MAMDC2: variants seen among roughly 807,000 people sequenced by gnomAD.
The protein encoded by MAMDC2 is MAM domain containing 2.
A neutral mutation model predicts 89.8 loss-of-function variants in MAMDC2; 57 were observed. That is an observed-to-expected ratio of 0.63 (90% CI 0.51 to 0.79). MAMDC2 has a LOEUF of 0.79. MAMDC2 is among the 30% of genes least tolerant of loss of function. MAMDC2 has a pLI of 0.00. For missense variants in MAMDC2, 800 were observed against 820.6 expected, an observed-to-expected ratio of 0.97 and a Z score of 0.31; for synonymous variants, 313 against 293.4, an observed-to-expected ratio of 1.07 and a Z score of -0.68.
Position 70,043,980 on chromosome 9 carries a change from G to T in MAMDC2, c.-218G>T. 1 of 608,846 alleles carries T rather than the reference G, an allele frequency of 1.6e-6. No individual in the cohort carries two copies. The highest frequency in any genetic ancestry group is 2.9e-6 in the Non-Finnish European group (1 of 344,622). The allele number at this position is 608,846 out of a possible 1,614,324, so 37.7% of individuals were successfully genotyped here. A position where few individuals can be genotyped will look rare whatever the true frequency, so the allele number is the denominator to read the frequency against. On this transcript the variant is annotated 5_prime_UTR_variant, in exon 1 of 14. Transcript: ENST00000377182. ...TGAGGCTGCTGCTCAGCGCCGGGGC[G>T]CTGGCGCTCTCCATTCGAGCACCTT...
chr9:70,053,926 A>C (rs1041347448), intron 2 of MAMDC2, among the ~76,000 whole-genome samples: 1 of 152,158 alleles, frequency 6.6e-6, no homozygotes, highest in African/African-American at 2.4e-5. Flanking sequence ...GCAGTAAATA[A>C]AGCAACTTAA....
intron 2 of MAMDC2, among the ~76,000 whole-genome samples, chr9:70,055,685 A>G (rs934459710): frequency 6.6e-6 from 1 of 152,180 alleles, no homozygotes; most frequent in African/African-American, 2.4e-5. Context: ...AGACAGAGAA[A>G]TGTAGTTTTT....
At chr9:70,168,524 G>A in intron 9 of MAMDC2, 178 bp from the exon 10 acceptor site, 1 of 555,354 alleles carries the variant, frequency 1.8e-6, no homozygotes, top group South Asian at 2.4e-5. Flanking sequence ...AGTAATTCCA[G>A]GGTTTTATGC....
Position 70,044,692 on chromosome 9 carries a change from A to G in MAMDC2, c.143A>G (p.Glu48Gly). ...GCCTCTCTGCCGTGGATTTTAAATG[A>G]GGAAGGTAAGGAGGCTCGGTGGAGA... The part of the protein sequence containing the change: ...VLASLPWILN[E>G]EGHYIYVDTS... The change falls in exon 2 of 14, where the codon GAG becomes GGG. Residue 48 changes from glutamate to glycine, a missense_variant. By Grantham distance (98) the Glu-to-Gly change is moderately conservative. Coordinates refer to ENST00000377182, the MANE Select transcript of MAMDC2 (RefSeq NM_153267.5). 3 of 1,550,746 alleles carry G rather than the reference A, an allele frequency of 1.9e-6. No homozygotes were observed. The highest frequency in any genetic ancestry group is 2.6e-6 in the Non-Finnish European group (3 of 1,146,222).
intron 3 of MAMDC2, chr9:70,109,407 A>G: frequency 3.3e-6 from 1 of 306,366 alleles, no homozygotes. Context: ...TACCACAAGC[A>G]CTGAAGGTGG....
At chr9:70,154,489 T>C (rs1018769960) in intron 9 of MAMDC2, among the ~76,000 whole-genome samples, 4 of 151,858 alleles carry the variant, frequency 2.6e-5, no homozygotes, top group Non-Finnish European at 5.9e-5. Context: ...AGAGTGAATA[T>C]TAAGACATTT....
At chr9:70,054,954 T>C (rs1454601989) in intron 2 of MAMDC2, among the ~76,000 whole-genome samples, 2 of 152,146 alleles carry the variant, frequency 1.3e-5, no homozygotes, top group Non-Finnish European at 2.9e-5. Flanking sequence ...AGCTCATCCC[T>C]GTAATCCCAG....
chr9:70,175,591 T>C (rs1349720654), intron 11 of MAMDC2, among the ~76,000 whole-genome samples: 1 of 152,194 alleles, frequency 6.6e-6, no homozygotes, highest in Non-Finnish European at 1.5e-5. Flanking sequence ...GGAAAAAATA[T>C]ATAGTATACA....
intron 12 of MAMDC2, among the ~76,000 whole-genome samples, chr9:70,225,457 A>G (rs2118707843): frequency 6.6e-6 from 1 of 152,290 alleles, no homozygotes; most frequent in Non-Finnish European, 1.5e-5. Context: ...AGAGGAAACC[A>G]GGTTACCACC....
intron 2 of MAMDC2, among the ~76,000 whole-genome samples, chr9:70,096,896 T>G (rs1475218313): frequency 6.6e-6 from 1 of 152,162 alleles, no homozygotes; most frequent in African/African-American, 2.4e-5. Flanking sequence ...GCTGCTGCCA[T>G]GCGATTTTAT....
intron 2 of MAMDC2, among the ~76,000 whole-genome samples, chr9:70,055,460 T>C (rs1017602585): frequency 8.5e-5 from 13 of 152,156 alleles, no homozygotes; most frequent in Non-Finnish European, 1.9e-4. Flanking sequence ...CCTAATTCAC[T>C]TGGAGTTGGA....
chr9:70,097,971 T>C (rs973885171), intron 2 of MAMDC2, among the ~76,000 whole-genome samples: 1 of 152,146 alleles, frequency 6.6e-6, no homozygotes, highest in African/African-American at 2.4e-5. Flanking sequence ...GACATATGCC[T>C]TGCGAAACTC....
chr9:70,172,084 G>A (rs1239963726), intron 11 of MAMDC2: 1 of 152,160 alleles, frequency 6.6e-6, no homozygotes. Context: ...CAAACATAAA[G>A]ATCCTCTTTT....
intron 9 of MAMDC2, among the ~76,000 whole-genome samples, chr9:70,160,744 T>C (rs1466763753): frequency 6.6e-6 from 1 of 152,106 alleles, no homozygotes; most frequent in Non-Finnish European, 1.5e-5. Flanking sequence ...AAGGAGGAGA[T>C]ACTATGGCTG....
intron 11 of MAMDC2, among the ~76,000 whole-genome samples, chr9:70,202,467 C>A (rs1266375120): frequency 6.6e-6 from 1 of 151,114 alleles, no homozygotes; most frequent in Non-Finnish European, 1.5e-5. Flanking sequence ...GAGAGCTTTA[C>A]TTCCAAGTAT....
intron 2 of MAMDC2, among the ~76,000 whole-genome samples, chr9:70,084,763 G>T (rs1488150557): frequency 6.6e-6 from 1 of 152,114 alleles, no homozygotes; most frequent in Non-Finnish European, 1.5e-5. Context: ...TGAGATAAAT[G>T]ATATATCTTT....
At chr9:70,170,818 T>G in intron 11 of MAMDC2, 187 bp downstream of exon 11, 1 of 527,528 alleles carries the variant, frequency 1.9e-6, no homozygotes, top group Non-Finnish European at 3.2e-6. Context: ...GTTTATTACA[T>G]TGCTTATGTA....
intron 9 of MAMDC2, 116 bp downstream of exon 9, chr9:70,143,935 G>A (rs930725976): frequency 8.8e-6 from 11 of 1,251,682 alleles, no homozygotes; most frequent in East Asian, 2.3e-5. Flanking sequence ...TCAGGCCTAC[G>A]GCCTCACCCT....
chr9:70,097,657 T>C (rs1328570306), intron 2 of MAMDC2, among the ~76,000 whole-genome samples: 2 of 152,190 alleles, frequency 1.3e-5, no homozygotes, highest in African/African-American at 2.4e-5. Flanking sequence ...CAGTATCTAG[T>C]TGTTCCTTTT....
Sources: gnomAD v4.1 joint callset for allele counts (sites outside exome capture counted in the v4.1 genomes callset) on GRCh38, gnomAD v4.1.1 for gene constraint, MANE v1.5 for transcripts, NCBI Gene and HGNC (gene_info 2026-07-23, HGNC 2026-07-21) for gene names.